Variants in SKOR2 observed in about 807,000 individuals in gnomAD.
SKOR2 encodes the protein SKI family transcriptional corepressor 2.
SKOR2 carries 47 observed loss-of-function variants against 69.1 expected under a neutral mutation model. The observed-to-expected ratio is 0.68, with a 90% CI of 0.54 to 0.87. The LOEUF (loss-of-function observed/expected upper bound fraction) is 0.87, where lower values mean the gene tolerates loss of function less well. SKOR2 is among the 40% of genes least tolerant of loss of function. The pLI, the probability that SKOR2 is intolerant of heterozygous loss-of-function variation, is 0.00. For synonymous variants in SKOR2, 717 were observed against 672.6 expected, an observed-to-expected ratio of 1.07 and a Z score of -1.02; for missense variants, 1,404 against 1,472.2, an observed-to-expected ratio of 0.95 and a Z score of 0.76.
At chr18:47,241,030 G>T (rs528526277) in intron 4 of SKOR2, among the ~76,000 whole-genome samples, 1 of 152,272 alleles carries the variant, frequency 6.6e-6, no homozygotes, top group Non-Finnish European at 1.5e-5. Context: ...AATCTTATCA[G>T]ATGGTTTTTT....
rs775801185 is a variant in SKOR2, at chr18:47,248,768, A to G, written c.416T>C (p.Leu139Pro). Residue 139 changes from leucine to proline, a missense_variant, in exon 2 of 9, where the codon CTG becomes CCG. By Grantham distance (98) the Leu-to-Pro change is moderately conservative. This residue lies in a region of SKOR2 where 1,266 missense variants were observed against 1,309.9 expected (regional missense o/e 0.97). Coordinates refer to ENST00000425639, the MANE Select transcript of SKOR2 (RefSeq NM_001278063.4). The surrounding 1 kb of genome is among the most constrained non-coding windows in gnomAD (Gnocchi z 6.4). The stretch of plus-strand genomic sequence containing the variant: ...CACGTCGAAGGCGAAATTGTCTGGC[A>G]GCTTGGGCGGCCTGTTTTCGCCCAG... ...SFLGENRPPK[L>P]PDNFAFDVSH... The G allele has an allele frequency of 5.2e-6, 8 of 1,549,962 alleles. No individual in the cohort carries two copies. The highest frequency in any genetic ancestry group is 6.9e-6 in the Non-Finnish European group (8 of 1,154,448).
chr18:47,249,219 C>T lies in SKOR2; in HGVS notation c.-36G>A. The stretch of plus-strand genomic sequence containing the variant: ...GAACCCCGGGCCGAGCCCTACAGGT[C>T]TGCCTTGGACACTGGAAGGGAAAGG... On this transcript the variant is annotated 5_prime_UTR_variant, in exon 2 of 9. Coordinates refer to ENST00000425639, the MANE Select transcript of SKOR2 (RefSeq NM_001278063.4). The T allele has an allele frequency of 6.6e-7, 1 of 1,512,398 alleles. No homozygotes were observed. The highest frequency in any genetic ancestry group is 8.8e-7 in the Non-Finnish European group (1 of 1,134,466). 93.7% of individuals were successfully genotyped at this position (1,512,398 alleles called of 1,614,324 possible).
intron 4 of SKOR2, among the ~76,000 whole-genome samples, chr18:47,240,565 C>T (rs2064244221): frequency 1.3e-5 from 2 of 151,968 alleles, no homozygotes; most frequent in African/African-American, 2.4e-5. Context: ...ATTATATCTG[C>T]TGTATGTAAG....
chr18:47,232,915 G>C (rs1453609414), intron 4 of SKOR2, among the ~76,000 whole-genome samples: 1 of 152,150 alleles, frequency 6.6e-6, no homozygotes, highest in Non-Finnish European at 1.5e-5. Context: ...TGCAAAGAGG[G>C]AAACAGAATT....
chr18:47,247,723 G>A lies in SKOR2; in HGVS notation c.1461C>T (p.Pro487=). ...GGLPVPTYLQ[P]PPQPPSALGC... ...CTAGCGCCGAGGGCGGCTGAGGCGGGGGCTGCAGGTAGGTGGGCACCGGGA... is the reference window on the plus strand; with the variant it reads ...CTAGCGCCGAGGGCGGCTGAGGCGGAGGCTGCAGGTAGGTGGGCACCGGGA... Residue 487 remains proline (P), a synonymous_variant, in exon 2 of 9, where the codon CCC becomes CCT. Transcript: ENST00000425639. The surrounding 1 kb of genome is among the most constrained non-coding windows in gnomAD (Gnocchi z 6.6). 7.3e-7 allele frequency: 1 copy of A among 1,362,272 alleles called. No individual in the cohort carries two copies. The highest frequency in any genetic ancestry group is 1.8e-5 in the South Asian group (1 of 56,238). 84.4% of individuals were successfully genotyped at this position (1,362,272 alleles called of 1,614,324 possible).
At chr18:47,249,669 G>C (rs965029127) in intron 1 of SKOR2, among the ~76,000 whole-genome samples, 10 of 152,286 alleles carry the variant, frequency 6.6e-5, no homozygotes, top group Non-Finnish European at 4.4e-5. Flanking sequence ...TTTGCTTGGA[G>C]ATAGATTGAT....
At chr18:47,227,186 CCTT>C (rs1327928156) in intron 6 of SKOR2, among the ~76,000 whole-genome samples, 2 of 151,950 alleles carry the variant, frequency 1.3e-5, no homozygotes, top group African/African-American at 2.4e-5. Context: ...TCTTCCTCCT[CCTT>C]CTCCTTTTTC....
In SKOR2 at chr18:47,246,622, C is replaced by A. The variant is rs889064749; in HGVS notation, c.2562G>T (p.Pro854=). Residue 854 remains proline, a synonymous_variant, in exon 2 of 9, where the codon CCG becomes CCT. Coordinates refer to ENST00000425639, the MANE Select transcript of SKOR2 (RefSeq NM_001278063.4). ...GTGATGGATGGTGAACTGGGCTGCC[C>A]GGGCTGCTGCTGCCGCCGCCACTCG... ...QKASGGGSSS[P]GSPVHHPSLE... 4.0e-6 allele frequency: 6 copies of A among 1,515,084 alleles called. No individual in the cohort carries two copies. The East Asian group carries it at 1.3e-4, about 33-fold the overall frequency. 93.9% of individuals were successfully genotyped at this position (1,515,084 alleles called of 1,614,324 possible).
intron 7 of SKOR2, among the ~76,000 whole-genome samples, chr18:47,218,768 G>C (rs974949682): frequency 6.6e-6 from 1 of 152,074 alleles, no homozygotes; most frequent in Non-Finnish European, 1.5e-5. Flanking sequence ...CAAAAGCTAA[G>C]AATGGGAATT....
At chr18:47,216,034 C>A (rs1455758033) in intron 7 of SKOR2, among the ~76,000 whole-genome samples, 1 of 152,094 alleles carries the variant, frequency 6.6e-6, no homozygotes, top group Non-Finnish European at 1.5e-5. Context: ...ATATTCCAGT[C>A]CTTGGAAAAA....
intron 6 of SKOR2, among the ~76,000 whole-genome samples, chr18:47,222,199 G>A (rs1484346768): frequency 6.6e-6 from 1 of 151,968 alleles, no homozygotes; most frequent in African/African-American, 2.4e-5. Flanking sequence ...GTGCACAACT[G>A]TAGTCCCAGC....
chr18:47,231,678 T>C (rs746107893), intron 4 of SKOR2, among the ~76,000 whole-genome samples: 3 of 151,958 alleles, frequency 2.0e-5, no homozygotes, highest in Non-Finnish European at 4.4e-5. Flanking sequence ...ACCCCGTCTC[T>C]ATGAAAAATA....
intron 7 of SKOR2, among the ~76,000 whole-genome samples, chr18:47,213,960 G>T (rs2144477851): frequency 6.6e-6 from 1 of 152,310 alleles, no homozygotes; most frequent in East Asian, 1.9e-4. Context: ...TGCATGACAT[G>T]ACAGAGCCTG....
intron 3 of SKOR2, among the ~76,000 whole-genome samples, chr18:47,245,216 A>G (rs1001309228): frequency 6.6e-6 from 1 of 152,212 alleles, no homozygotes; most frequent in African/African-American, 2.4e-5. Context: ...GTAACTGTGT[A>G]TGTTTAGAGG....
Position 47,248,384 on chromosome 18 carries a change from GCGGCGGCCA to G in SKOR2, c.791_799del (p.Val264_Ala266del). On this transcript the variant is annotated inframe_deletion, in exon 2 of 9. Transcript: ENST00000425639. This position sits in a 1 kb window ranked among gnomAD's most constrained non-coding sequence, Gnocchi z 6.4. ...ACCCCCGCCTCCGGCCACCGCGGCC[GCGGCGGCCA>G]CGGCGGCCGCCTTCACAGAGCTGAG... The G allele has an allele frequency of 7.7e-7, 1 of 1,302,562 alleles. No individual in the cohort carries two copies. The highest frequency in any genetic ancestry group is 2.4e-4 in the Middle Eastern group (1 of 4,186). The allele number at this position is 1,302,562 out of a possible 1,614,324, so 80.7% of individuals were successfully genotyped here.
chr18:47,247,852 C>A lies in SKOR2; in HGVS notation c.1332G>T (p.Ala444=). 1 of 1,359,170 alleles carries A rather than the reference C, an allele frequency of 7.4e-7. No individual in the cohort carries two copies. The highest frequency in any genetic ancestry group is 9.4e-7 in the Non-Finnish European group (1 of 1,066,218). 84.2% of individuals were successfully genotyped at this position (1,359,170 alleles called of 1,614,324 possible). The change falls in exon 2 of 9, where the codon GCG becomes GCT. Residue 444 remains alanine (A), a synonymous_variant. Transcript: ENST00000425639. The surrounding 1 kb of genome is among the most constrained non-coding windows in gnomAD (Gnocchi z 6.6). ...LGGAGAGGAG[A]APKAGLSGLF... is the part of the protein sequence containing the mutation. ...GGCCGGACAAGCCGGCCTTGGGCGCCGCGCCCGCGCCGCCTGCGCCCGCGC... is the reference window on the plus strand; with the variant it reads ...GGCCGGACAAGCCGGCCTTGGGCGCAGCGCCCGCGCCGCCTGCGCCCGCGC...
chr18:47,245,259 G>A (rs1479847455), intron 3 of SKOR2, among the ~76,000 whole-genome samples: 1 of 152,180 alleles, frequency 6.6e-6, no homozygotes, highest in African/African-American at 2.4e-5. Flanking sequence ...GAAGTATGCT[G>A]AGATTGTGAG....
intron 8 of SKOR2, among the ~76,000 whole-genome samples, chr18:47,211,664 T>A (rs2064128275): frequency 6.6e-6 from 1 of 152,186 alleles, no homozygotes; most frequent in Non-Finnish European, 1.5e-5. Context: ...CAGTTGTTCA[T>A]ATTACCACCT....
At chr18:47,233,715 C>T (rs1259804326) in intron 4 of SKOR2, among the ~76,000 whole-genome samples, 1 of 152,168 alleles carries the variant, frequency 6.6e-6, no homozygotes, top group Non-Finnish European at 1.5e-5. Flanking sequence ...TTCCTTTTGA[C>T]TCATTAGTAT....
Sources: gnomAD v4.1 joint callset for allele counts (sites outside exome capture counted in the v4.1 genomes callset) on GRCh38, gnomAD v4.1.1 for gene constraint, gnomAD v4.1.1 regional missense constraint, Gnocchi (gnomAD v3.1) non-coding constraint, MANE v1.5 for transcripts, NCBI Gene and HGNC (gene_info 2026-07-23, HGNC 2026-07-21) for gene names.